Variants in DNAJB12 observed in about 807,000 individuals in gnomAD.
The protein encoded by DNAJB12 is DnaJ heat shock protein family (Hsp40) member B12.
In DNAJB12, 14 loss-of-function variants were observed where a neutral mutation model predicts 40.6. The observed-to-expected ratio is 0.34, with a 90% CI of 0.23 to 0.54. DNAJB12 has a LOEUF of 0.54. DNAJB12 is among the 20% of genes least tolerant of loss of function. DNAJB12 has a pLI of 0.92. For missense variants in DNAJB12, 444 were observed against 501.7 expected (o/e 0.89, Z 1.10); for synonymous variants, 181 against 199.5 (o/e 0.91, Z 0.78).
Position 72,335,833 on chromosome 10 carries a change from C to A in DNAJB12, c.1105G>T (p.Val369Leu). 6.2e-7 allele frequency: 1 copy of A among 1,614,178 alleles called. No homozygotes were observed. The highest frequency in any genetic ancestry group is 8.5e-7 in the Non-Finnish European group (1 of 1,180,008). Residue 369 changes from valine to leucine, a missense_variant, in exon 8 of 9, where the codon GTG becomes TTG. Transcript: ENST00000444643. The surrounding 1 kb of genome is among the most constrained non-coding windows in gnomAD (Gnocchi z 4.4). ...GACTATCCATGCAGGGAGGCCTGCA[C>A]CTCTGACAGTCGGCTGCAGCTGGGG... ...GTPSCSRLSE[V>L]QASLHG
rs145920797 is a variant in DNAJB12 at position 72,336,587 on chromosome 10, G to A, written c.943C>T (p.Arg315Trp). 4.3e-6 allele frequency: 7 copies of A among 1,613,896 alleles called. No individual in the cohort carries two copies. Among genetic ancestry groups the A allele is most frequent in the South Asian group, 2.2e-5 (2 of 91,084 alleles). ...GCGATATAATCATCTTCCACATTCC[G>A]CTCGACTGTTTTGAGGCTGGAGCCT... Reference protein sequence around the residue: ...YTGSSLKTVERNVEDDYIANL... With the variant: ...YTGSSLKTVEWNVEDDYIANL... The change falls in exon 7 of 9, where the codon CGG (arginine) becomes TGG (tryptophan). Residue 315 changes from arginine (R) to tryptophan (W), a missense_variant. Coordinates refer to ENST00000444643, the MANE Select transcript of DNAJB12 (RefSeq NM_017626.7).
At chr10:72,346,320 C>G (rs1238601927) in intron 1 of DNAJB12, among the ~76,000 whole-genome samples, 2 of 150,704 alleles carry the variant, frequency 1.3e-5, no homozygotes, top group East Asian at 3.9e-4. Context: ...CGTGCCACCA[C>G]GCCTGGCTAA....
At chr10:72,340,202 G>T (rs1861593164) in intron 5 of DNAJB12, among the ~76,000 whole-genome samples, 1 of 151,732 alleles carries the variant, frequency 6.6e-6, no homozygotes, top group Admixed American at 6.6e-5. Flanking sequence ...AAATTAGCCG[G>T]GGGTGGTGGC....
chr10:72,347,681 C>T (rs1226848288), intron 1 of DNAJB12, among the ~76,000 whole-genome samples: 5 of 151,976 alleles, frequency 3.3e-5, no homozygotes, highest in East Asian at 3.9e-4. Context: ...TTTGGGAGGC[C>T]GAGGCGGGCG....
intron 5 of DNAJB12, 37 bp from the exon 6 acceptor site, chr10:72,338,348 G>C (rs374229198): frequency 6.3e-7 from 1 of 1,575,142 alleles, no homozygotes; most frequent in African/African-American, 1.3e-5. Context: ...GCTGGACCTG[G>C]GTGGGGTGTG....
intron 1 of DNAJB12, among the ~76,000 whole-genome samples, chr10:72,351,814 A>G (rs1861942892): frequency 6.6e-6 from 1 of 152,186 alleles, no homozygotes; most frequent in South Asian, 2.1e-4. Context: ...TGTAACCTGG[A>G]GCGCTCTCCT....
intron 4 of DNAJB12, 38 bp downstream of exon 4, chr10:72,340,947 C>T (rs763369473): frequency 6.2e-7 from 1 of 1,609,918 alleles, no homozygotes; most frequent in Non-Finnish European, 8.5e-7. Context: ...CACCATCACC[C>T]CAGGGATACC....
intron 2 of DNAJB12, among the ~76,000 whole-genome samples, chr10:72,344,440 C>T (rs1861726459): frequency 6.6e-6 from 1 of 152,210 alleles, no homozygotes; most frequent in Non-Finnish European, 1.5e-5. Context: ...GCCTGAGGAG[C>T]CTTGGCTGGG....
chr10:72,335,681 A>C lies in DNAJB12; in HGVS notation c.*30+99T>G. ...GGCTGGGGACAGGAGTCTTTGCCAC[A>C]ATCACCAGGCTTCCTCCCTTTCTCC... On this transcript the variant is annotated intron_variant, in intron 8 of 8. Transcript: ENST00000444643. This position sits in a 1 kb window ranked among gnomAD's most constrained non-coding sequence, Gnocchi z 4.4. 1 of 1,480,610 alleles carries C rather than the reference A, an allele frequency of 6.8e-7. No individual in the cohort carries two copies. Among genetic ancestry groups the C allele is most frequent in the South Asian group, 1.4e-5 (1 of 74,000 alleles). 91.7% of individuals were successfully genotyped at this position (1,480,610 alleles called of 1,614,324 possible).
At chr10:72,344,224 A>G (rs1861720046) in intron 2 of DNAJB12, among the ~76,000 whole-genome samples, 1 of 152,172 alleles carries the variant, frequency 6.6e-6, no homozygotes, top group Non-Finnish European at 1.5e-5. Flanking sequence ...TCCCTCATAC[A>G]TCAGTTTCTA....
chr10:72,338,224 G>C lies in DNAJB12; in HGVS notation c.811C>G (p.Pro271Ala), dbSNP rs756354827. 8.7e-6 allele frequency: 14 copies of C among 1,614,088 alleles called. No homozygotes were observed. In the South Asian group the frequency reaches 1.4e-4, roughly 16 times the overall value. The part of the protein sequence containing the change: ...ALSQLMVSSP[P>A]YSLSPRPSVG... ...CACGGTCTTGGACTCAGACTGTAGG[G>C]TGGACTGGAGACCATGAGCTGGCTG... The change falls in exon 6 of 9, where the codon CCC becomes GCC. Residue 271 changes from proline to alanine, a missense_variant. By Grantham distance (27) the Pro-to-Ala change is conservative. Coordinates refer to ENST00000444643, the MANE Select transcript of DNAJB12 (RefSeq NM_017626.7).
chr10:72,344,884 C>T, intron 2 of DNAJB12, 66 bp downstream of exon 2: 1 of 1,582,628 alleles, frequency 6.3e-7, no homozygotes, highest in South Asian at 1.1e-5. Context: ...AGGTGGAGGA[C>T]ATGCTCCAGG....
intron 1 of DNAJB12, among the ~76,000 whole-genome samples, chr10:72,350,900 A>G (rs975109058): frequency 3.3e-5 from 5 of 152,062 alleles, no homozygotes; most frequent in Non-Finnish European, 5.9e-5. Flanking sequence ...CCCACCCCGG[A>G]CCTCGCCAGC....
chr10:72,341,466 T>C lies in DNAJB12; in HGVS notation c.458-296A>G, dbSNP rs138637900. On this transcript the variant is annotated intron_variant, in intron 3 of 8. Coordinates refer to ENST00000444643, the MANE Select transcript of DNAJB12 (RefSeq NM_017626.7). ...TAGGAGTGTGGCCTCATTTACTTCT[T>C]TTTGTTTGTTTATTTTATTTTTTGA... 3.3e-5 allele frequency among the ~76,000 whole-genome samples: 5 copies of C among 152,194 alleles called. No homozygotes were observed. In the East Asian group the frequency reaches 9.7e-4, roughly 29 times the overall value.
chr10:72,347,022 T>C (rs1338048097), intron 1 of DNAJB12, among the ~76,000 whole-genome samples: 3 of 151,630 alleles, frequency 2.0e-5, no homozygotes. Context: ...TGGAGTGCAA[T>C]GGCATGATCT....
intron 1 of DNAJB12, among the ~76,000 whole-genome samples, chr10:72,353,176 C>A (rs1004507064): frequency 1.3e-5 from 2 of 152,256 alleles, no homozygotes; most frequent in Non-Finnish European, 2.9e-5. Context: ...GGTGCAGGGG[C>A]CTGCTGACAG....
rs776813458 is a variant in DNAJB12 at position 72,335,410 on chromosome 10, G to A, written c.*30+370C>T. 22 of 1,031,330 alleles carry A rather than the reference G, an allele frequency of 2.1e-5. No homozygotes were observed. Among genetic ancestry groups the A allele is most frequent in the Admixed American group, 5.2e-5 (1 of 19,178 alleles). The allele number at this position is 1,031,330 out of a possible 1,614,324, so 63.9% of individuals were successfully genotyped here. A position where few individuals can be genotyped will look rare whatever the true frequency, so the allele number is the denominator to read the frequency against. ...TGTGATGGCCTAAATACCAGGGCAC[G>A]GACAATAGTCTGCTGTGCTGGAGAA... is the stretch of plus-strand genomic sequence containing the variant. On this transcript the variant is annotated intron_variant, in intron 8 of 8. Transcript: ENST00000444643. This position sits in a 1 kb window ranked among gnomAD's most constrained non-coding sequence, Gnocchi z 4.4.
chr10:72,353,187 A>G (rs60727567), intron 1 of DNAJB12, among the ~76,000 whole-genome samples: 11,406 of 152,320 alleles, frequency 0.075, 881 homozygotes, highest in African/African-American at 0.2. Context: ...CTGCTGACAG[A>G]AAGATCCCCA....
chr10:72,336,012 C>T (rs988520906), intron 7 of DNAJB12, 81 bp from the exon 8 acceptor site: 10 of 1,560,080 alleles, frequency 6.4e-6, no homozygotes, highest in South Asian at 5.9e-5. Flanking sequence ...CTGTGGAGGG[C>T]GGAGGAAAGC....
Sources: allele counts gnomAD v4.1 joint callset (sites outside exome capture counted in the v4.1 genomes callset), GRCh38; gene constraint gnomAD v4.1.1; non-coding constraint Gnocchi (gnomAD v3.1); transcripts MANE v1.5; gene names NCBI Gene and HGNC (gene_info 2026-07-23, HGNC 2026-07-21).